The following PRKG1 variants were observed in gnomAD, a reference collection of about 807,000 sequenced individuals.
PRKG1 encodes protein kinase cGMP-dependent 1, also known as cGMP-dependent protein kinase 1.
Under a neutral mutation model 88.1 loss-of-function variants are expected in PRKG1, and 35 were observed. The ratio of observed to expected loss-of-function variants is 0.40; its 90% CI spans 0.30 to 0.53. PRKG1 has a LOEUF of 0.53. PRKG1 is among the 20% of genes least tolerant of loss of function. PRKG1 has a pLI of 0.59. For missense variants in PRKG1, 540 were observed against 839.8 expected, an observed-to-expected ratio of 0.64 and a Z score of 4.41; for synonymous variants, 303 against 292.5, an observed-to-expected ratio of 1.04 and a Z score of -0.37.
chr10:51,795,841 G>A (rs1838996767), intron 3 of PRKG1, among the ~76,000 whole-genome samples: 1 of 151,946 alleles, frequency 6.6e-6, no homozygotes, highest in Non-Finnish European at 1.5e-5. Context: ...CTCAATTTCT[G>A]GTCTATTTAG....
chr10:51,341,526 T>C (rs17683052), intron 2 of PRKG1, among the ~76,000 whole-genome samples: 4,416 of 152,314 alleles, frequency 0.029, 83 homozygotes, highest in Middle Eastern at 0.044. Context: ...GCAAGTGTTA[T>C]GGCTGGGAAC....
At chr10:51,801,600 A>G (rs1180079894) in intron 3 of PRKG1, among the ~76,000 whole-genome samples, 1 of 152,174 alleles carries the variant, frequency 6.6e-6, no homozygotes, top group Non-Finnish European at 1.5e-5. Flanking sequence ...CATTATACTT[A>G]CATATGCTTC....
At chr10:51,684,261 T>G (rs1206883205) in intron 3 of PRKG1, among the ~76,000 whole-genome samples, 1 of 152,190 alleles carries the variant, frequency 6.6e-6, no homozygotes, top group Non-Finnish European at 1.5e-5. Context: ...GTTGTATGAT[T>G]CACTTTTTAG....
At chr10:51,467,571 G>T in intron 2 of PRKG1, 152 bp from the exon 3 acceptor site, 2 of 539,640 alleles carry the variant, frequency 3.7e-6, no homozygotes, top group Non-Finnish European at 6.5e-6. Context: ...TCCATATTTT[G>T]TTTTATTTCT....
chr10:51,316,410 G>A (rs12252064), intron 2 of PRKG1, among the ~76,000 whole-genome samples: 27,754 of 152,108 alleles, frequency 0.18, 2,652 homozygotes, highest in African/African-American at 0.24. Flanking sequence ...GGGACGGGGC[G>A]CAGTGGCTCA....
At chr10:51,673,635 A>T (rs1840637944) in intron 3 of PRKG1, among the ~76,000 whole-genome samples, 1 of 152,054 alleles carries the variant, frequency 6.6e-6, no homozygotes, top group South Asian at 2.1e-4. Flanking sequence ...TCATCTTGTG[A>T]CCCCACTGTG....
At chr10:51,628,741 T>A (rs993561521) in intron 3 of PRKG1, among the ~76,000 whole-genome samples, 1 of 150,898 alleles carries the variant, frequency 6.6e-6, no homozygotes, top group Admixed American at 6.6e-5. Flanking sequence ...GGGTGGATCA[T>A]GAGGTCAGGA....
At position 51,938,952 on chromosome 10, in the gene PRKG1, T is replaced by C. The variant is rs564557789; in HGVS notation, c.762+31382T>C. On this transcript the variant is annotated intron_variant, in intron 5 of 17. Coordinates refer to ENST00000373980, the MANE Select transcript of PRKG1 (RefSeq NM_006258.4). ...TTTGTATTATTTTTGCAGTGGACAC[T>C]GATAGGGAAAGGGTATGTGGATAGA... is the stretch of plus-strand genomic sequence containing the variant. Among the ~76,000 whole-genome samples the C allele has an allele frequency of 1.5e-4, 23 of 152,158 alleles. 1 individual carries two copies. In the South Asian group the frequency reaches 2.3e-3, roughly 15 times the overall value.
chr10:51,286,970 G>T (rs767823883), intron 2 of PRKG1, among the ~76,000 whole-genome samples: 5 of 152,012 alleles, frequency 3.3e-5, no homozygotes, highest in African/African-American at 4.8e-5. Context: ...TTGACTTTTC[G>T]GGTTTAAAGT....
intron 3 of PRKG1, among the ~76,000 whole-genome samples, chr10:51,677,328 AT>A (rs1469528099): frequency 6.6e-6 from 1 of 152,120 alleles, no homozygotes; most frequent in Admixed American, 6.5e-5. Context: ...CCTTTCTTGT[AT>A]TCAATAATGC....
chr10:51,040,581 G>A (rs990569929), intron 1 of PRKG1, among the ~76,000 whole-genome samples: 5 of 151,824 alleles, frequency 3.3e-5, no homozygotes, highest in Non-Finnish European at 5.9e-5. Context: ...GCCTCCCAAA[G>A]TTCTAGGACT....
At chr10:51,490,742 TCA>T (rs1376449329) in intron 3 of PRKG1, among the ~76,000 whole-genome samples, 1 of 152,090 alleles carries the variant, frequency 6.6e-6, no homozygotes, top group Admixed American at 6.6e-5. Flanking sequence ...ATATGAGCTC[TCA>T]CATATTCTTG....
intron 2 of PRKG1, among the ~76,000 whole-genome samples, chr10:51,335,595 G>T (rs75727906): frequency 1.3e-5 from 2 of 151,940 alleles, no homozygotes; most frequent in Non-Finnish European, 2.9e-5. Flanking sequence ...GCAGTGGCAC[G>T]ATGTCGGCTT....
At chr10:51,115,385 A>ATATATATATATAT (rs1554837458) in intron 1 of PRKG1, among the ~76,000 whole-genome samples, 26 of 94,496 alleles carry the variant, frequency 2.8e-4, no homozygotes, top group African/African-American at 4.1e-4. Flanking sequence ...ATATATATAT[A>ATATATATATATAT]AAACAAATGT....
chr10:51,135,539 A>G (rs983855824), intron 1 of PRKG1, among the ~76,000 whole-genome samples: 1 of 152,164 alleles, frequency 6.6e-6, no homozygotes, highest in Non-Finnish European at 1.5e-5. Context: ...TTATTTTGAA[A>G]TAGTTGAATA....
intron 4 of PRKG1, among the ~76,000 whole-genome samples, chr10:51,865,996 A>ATCAT (rs1274207258): frequency 6.6e-6 from 1 of 152,064 alleles, no homozygotes; most frequent in South Asian, 2.1e-4. Context: ...AGTCGTATGT[A>ATCAT]TCATTATCCC....
intron 2 of PRKG1, among the ~76,000 whole-genome samples, chr10:51,315,040 C>A (rs1005242893): frequency 1.8e-4 from 28 of 152,140 alleles, no homozygotes; most frequent in Admixed American, 5.9e-4. Context: ...CAGTAGAGAA[C>A]AAAGTTTGTA....
At chr10:51,126,418 C>A (rs1230255102) in intron 1 of PRKG1, among the ~76,000 whole-genome samples, 1 of 122,474 alleles carries the variant, frequency 8.2e-6, no homozygotes, top group East Asian at 2.4e-4. Flanking sequence ...ATATATAATT[C>A]ATATATTCAT....
chr10:52,289,478 T>A (rs1412495608), intron 16 of PRKG1, among the ~76,000 whole-genome samples: 2 of 152,146 alleles, frequency 1.3e-5, no homozygotes, highest in African/African-American at 4.8e-5. Context: ...GTTGATTGGA[T>A]GTTCTAAAGC....
Sources: gnomAD v4.1 joint callset for allele counts (sites outside exome capture counted in the v4.1 genomes callset) on GRCh38, gnomAD v4.1.1 for gene constraint, MANE v1.5 for transcripts, NCBI Gene and HGNC (gene_info 2026-07-23, HGNC 2026-07-21) for gene names.